Variants in ANK3 observed in about 807,000 individuals in gnomAD.
The protein encoded by ANK3 is ankyrin 3, also known as ankyrin-3.
A neutral mutation model predicts 370.9 loss-of-function variants in ANK3; 57 were observed. The observed-to-expected ratio is 0.15, with a 90% confidence interval of 0.12 to 0.19. The LOEUF (loss-of-function observed/expected upper bound fraction) is 0.19. Among genes scored for constraint, ANK3 ranks in the 10% least tolerant of loss-of-function variants. The probability of loss-of-function intolerance (pLI) is 1.00; values close to 1 mark genes in which losing one functional copy is unlikely to be tolerated. For missense variants in ANK3, 4,439 were observed against 5,302.1 expected (o/e 0.84, Z 5.06); for synonymous variants, 1,929 against 1,946.3 (o/e 0.99, Z 0.23).
intron 24 of ANK3, among the ~76,000 whole-genome samples, chr10:60,137,983 A>G (rs74689397): frequency 0.012 from 1,817 of 152,268 alleles, 52 homozygotes; most frequent in African/African-American, 0.042. Context: ...ACCTGCTACA[A>G]TAAGACTTTA....
At chr10:60,663,399 G>C (rs910552655) in intron 1 of ANK3, among the ~76,000 whole-genome samples, 2 of 152,134 alleles carry the variant, frequency 1.3e-5, no homozygotes, top group Non-Finnish European at 2.9e-5. Context: ...ACCTTGACCA[G>C]TGTTACAAGG....
At chr10:60,505,262 T>TAATC (rs1179057462) in intron 2 of ANK3, among the ~76,000 whole-genome samples, 2 of 152,064 alleles carry the variant, frequency 1.3e-5, no homozygotes, top group Admixed American at 1.3e-4. Context: ...TACATAGTGT[T>TAATC]AATCAACATG....
At chr10:60,454,144 C>A (rs146219101) in intron 2 of ANK3, among the ~76,000 whole-genome samples, 2,309 of 152,188 alleles carry the variant, frequency 0.015, 59 homozygotes, top group African/African-American at 0.052. Flanking sequence ...CATTTTTGTT[C>A]ATCTACTAAA....
chr10:60,573,039 G>A, intron 2 of ANK3: 1 of 985,212 alleles, frequency 1.0e-6, no homozygotes, highest in African/African-American at 1.7e-5. Context: ...TGCTCTCCGT[G>A]CTGCTAGCCT....
chr10:60,204,532 G>C (rs1223237410), intron 11 of ANK3, among the ~76,000 whole-genome samples: 1 of 152,146 alleles, frequency 6.6e-6, no homozygotes, highest in African/African-American at 2.4e-5. Context: ...AATTCTAAGT[G>C]TAAATCTAGG....
rs773881233 is a variant in ANK3, at chr10:60,084,709, G to C, written c.3967C>G (p.Pro1323Ala). The stretch of plus-strand genomic sequence containing the variant: ...AAACATCGCAAGGAAGATTCTACGG[G>C]ATCATTCATTTTGGCAAAAACAACA... Reference protein sequence around the residue: ...KFVVFAKMNDPVESSLRCFCM... With the variant: ...KFVVFAKMNDAVESSLRCFCM... Residue 1323 changes from proline to alanine, a missense_variant, in exon 32 of 44, where the codon CCC becomes GCC. Pro to Ala is a conservative substitution (Grantham distance 27, BLOSUM62 -1). Around this residue, in one of 13 missense-constraint regions of ANK3, gnomAD observed 702 missense variants for 941.5 expected, o/e 0.75. Transcript: ENST00000280772. 6 of 1,613,664 alleles carry C rather than the reference G, an allele frequency of 3.7e-6. 1 individual carries two copies. The South Asian group carries it at 6.6e-5, about 18-fold the overall frequency.
chr10:60,517,358 C>T (rs1297422704), intron 2 of ANK3, among the ~76,000 whole-genome samples: 2 of 151,994 alleles, frequency 1.3e-5, no homozygotes, highest in Non-Finnish European at 2.9e-5. Context: ...CCACTGTGCC[C>T]AGCCGATTCT....
intron 25 of ANK3, among the ~76,000 whole-genome samples, chr10:60,124,528 G>A (rs2093657945): frequency 6.6e-6 from 1 of 152,102 alleles, no homozygotes; most frequent in Non-Finnish European, 1.5e-5. Context: ...TTTCTATAAT[G>A]TTGCATCCCT....
intron 25 of ANK3, among the ~76,000 whole-genome samples, chr10:60,129,258 T>C (rs994162907): frequency 3.9e-5 from 6 of 152,208 alleles, no homozygotes; most frequent in Admixed American, 2.6e-4. Context: ...AAAATACATA[T>C]GCCCAAGAAC....
chr10:60,298,855 C>T (rs1175297331), intron 1 of ANK3, among the ~76,000 whole-genome samples: 4 of 152,132 alleles, frequency 2.6e-5, no homozygotes, highest in African/African-American at 9.7e-5. Context: ...CAAACCCTTC[C>T]CAGCAATGAG....
rs1190496117 is a variant in ANK3 at position 60,063,218 on chromosome 10, C to T, written c.12488G>A (p.Arg4163Gln). ...ALTSVLTKIN[R>Q]IDIVTLLEGP... Reference sequence around the variant, plus strand: ...TTCTAGCAGTGTCACTATATCTATTCGATTAATTTTTGTCAAGACCGAAGT... The same window carrying T: ...TTCTAGCAGTGTCACTATATCTATTTGATTAATTTTTGTCAAGACCGAAGT... Residue 4163 changes from arginine (R) to glutamine (Q), a missense_variant, in exon 40 of 44, where the codon CGA becomes CAA. Physicochemically the swap from Arg to Gln is conservative, Grantham distance 43. Transcript: ENST00000280772. 3 of 1,607,808 alleles carry T rather than the reference C, an allele frequency of 1.9e-6. No homozygotes were observed. The highest frequency in any genetic ancestry group is 1.7e-6 in the Non-Finnish European group (2 of 1,177,872).
At chr10:60,673,387 G>C (rs1236058346) in intron 1 of ANK3, among the ~76,000 whole-genome samples, 1 of 151,620 alleles carries the variant, frequency 6.6e-6, no homozygotes, top group Non-Finnish European at 1.5e-5. Flanking sequence ...TTTCGCTCTT[G>C]CTGCCCAGGT....
intron 2 of ANK3, among the ~76,000 whole-genome samples, chr10:60,505,913 C>T (rs557588493): frequency 3.6e-4 from 55 of 152,166 alleles, no homozygotes; most frequent in African/African-American, 1.1e-3. Flanking sequence ...AGTAAAATGG[C>T]GAATATCACT....
chr10:60,703,320 A>G (rs1013214994), intron 1 of ANK3, among the ~76,000 whole-genome samples: 59 of 152,184 alleles, frequency 3.9e-4, no homozygotes, highest in African/African-American at 1.3e-3. Context: ...TCTCAGAGAT[A>G]CAAGTGAAAT....
chr10:60,048,562 A>T (rs10994166), intron 42 of ANK3, among the ~76,000 whole-genome samples: 132 of 152,218 alleles, frequency 8.7e-4, no homozygotes, highest in Non-Finnish European at 1.7e-3. Flanking sequence ...TTTGCATATA[A>T]GCTACACATA....
At chr10:60,646,501 C>G (rs1490561943) in intron 1 of ANK3, among the ~76,000 whole-genome samples, 2 of 152,066 alleles carry the variant, frequency 1.3e-5, no homozygotes, top group Admixed American at 6.6e-5. Flanking sequence ...GCTTGAGGCC[C>G]GAAGTTCTAG....
intron 35 of ANK3, 100 bp downstream of exon 35, chr10:60,082,050 T>C: frequency 1.1e-6 from 1 of 887,198 alleles, no homozygotes; most frequent in Non-Finnish European, 1.7e-6. Flanking sequence ...AAAAATATAA[T>C]TTATATGTTT....
At chr10:60,125,646 G>A (rs1167741905) in intron 25 of ANK3, among the ~76,000 whole-genome samples, 2 of 152,178 alleles carry the variant, frequency 1.3e-5, no homozygotes, top group Non-Finnish European at 2.9e-5. Context: ...TTATGTGAAA[G>A]AAATAGCAAG....
At chr10:60,434,101 C>T (rs1190182064) in intron 2 of ANK3, among the ~76,000 whole-genome samples, 2 of 152,130 alleles carry the variant, frequency 1.3e-5, no homozygotes, top group African/African-American at 4.8e-5. Flanking sequence ...CTTTATATAA[C>T]AATAAGGAAG....
Sources: gnomAD v4.1 joint callset for allele counts (sites outside exome capture counted in the v4.1 genomes callset) on GRCh38, gnomAD v4.1.1 for gene constraint, gnomAD v4.1.1 regional missense constraint, MANE v1.5 for transcripts, NCBI Gene and HGNC (gene_info 2026-07-23, HGNC 2026-07-21) for gene names.